The following CAMK4 variants were observed in gnomAD, a reference collection of about 807,000 sequenced individuals.
The protein encoded by CAMK4 is calcium/calmodulin-dependent protein kinase type IV.
Under a neutral mutation model 44.9 loss-of-function variants are expected in CAMK4, and 22 were observed. That is an observed-to-expected ratio of 0.49 (90% CI 0.35 to 0.70). CAMK4 has a LOEUF of 0.70. Ranked by LOEUF, CAMK4 falls within the 30% of genes least tolerant of loss-of-function variation. The pLI, the probability that CAMK4 is intolerant of heterozygous loss-of-function variation, is 0.01. For missense variants in CAMK4, 498 were observed against 586.8 expected (o/e 0.85, Z 1.56); for synonymous variants, 218 against 215.4 (o/e 1.01, Z -0.11).
chr5:111,233,467 T>C (rs569424544), intron 1 of CAMK4, among the ~76,000 whole-genome samples: 64 of 144,272 alleles, frequency 4.4e-4, no homozygotes, highest in African/African-American at 1.5e-3. Flanking sequence ...CTTCACATAA[T>C]GTTTGTGAAA....
intron 1 of CAMK4, among the ~76,000 whole-genome samples, chr5:111,243,625 A>G (rs1003395641): frequency 1.3e-5 from 2 of 152,176 alleles, no homozygotes; most frequent in Admixed American, 6.5e-5. Flanking sequence ...GAAAGGCTCC[A>G]ATTTCCCTCT....
At chr5:111,263,845 C>T (rs1323471146) in intron 1 of CAMK4, among the ~76,000 whole-genome samples, 2 of 152,154 alleles carry the variant, frequency 1.3e-5, no homozygotes, top group Admixed American at 1.3e-4. Flanking sequence ...TCACTATGTA[C>T]TTTTTCTTTG....
intron 1 of CAMK4, among the ~76,000 whole-genome samples, chr5:111,226,350 G>GT (rs1397658025): frequency 6.6e-6 from 1 of 152,178 alleles, no homozygotes; most frequent in Admixed American, 6.5e-5. Flanking sequence ...TGAAGTTTGG[G>GT]TTTTTTATTT....
chr5:111,333,349 C>T (rs528210964), intron 1 of CAMK4, among the ~76,000 whole-genome samples: 4 of 151,668 alleles, frequency 2.6e-5, no homozygotes, highest in East Asian at 3.9e-4. Context: ...ATAAACTTTT[C>T]GCAAGATGTT....
At chr5:111,302,746 A>G (rs1208783885) in intron 1 of CAMK4, among the ~76,000 whole-genome samples, 21 of 70,254 alleles carry the variant, frequency 3.0e-4, no homozygotes, top group African/African-American at 1.2e-3. Context: ...GCCCACCACA[A>G]CTCAAGGAGG....
chr5:111,388,409 C>A (rs1751681259), intron 4 of CAMK4, among the ~76,000 whole-genome samples: 1 of 152,170 alleles, frequency 6.6e-6, no homozygotes, highest in African/African-American at 2.4e-5. Context: ...CCAGCAAGTA[C>A]CTGGCTCACA....
chr5:111,312,701 T>C (rs1046371771), intron 1 of CAMK4, among the ~76,000 whole-genome samples: 1 of 152,166 alleles, frequency 6.6e-6, no homozygotes, highest in Non-Finnish European at 1.5e-5. Flanking sequence ...CTAAGTCTTG[T>C]GGAACCATCC....
At chr5:111,308,510 C>G (rs1390963239) in intron 1 of CAMK4, among the ~76,000 whole-genome samples, 2 of 152,116 alleles carry the variant, frequency 1.3e-5, no homozygotes, top group African/African-American at 4.8e-5. Flanking sequence ...AGATATTTAT[C>G]TACAAGCTAC....
chr5:111,447,254 TC>T (rs1194860195), intron 6 of CAMK4, among the ~76,000 whole-genome samples: 5 of 152,158 alleles, frequency 3.3e-5, no homozygotes, highest in Admixed American at 2.0e-4. Flanking sequence ...GATCTGCCTT[TC>T]CCAAAATGCA....
intron 1 of CAMK4, among the ~76,000 whole-genome samples, chr5:111,333,422 G>A (rs1749260326): frequency 6.6e-6 from 1 of 151,590 alleles, no homozygotes; most frequent in South Asian, 2.1e-4. Flanking sequence ...AAACAAAGAG[G>A]ACTGATAAGA....
rs56360861 is a variant in CAMK4 at position 111,484,438 on chromosome 5, A to G, written c.1394A>G (p.Gln465Arg). 3.5e-3 allele frequency: 5,315 copies of G among 1,526,714 alleles called. 181 individuals are homozygous for G. In the African/African-American group the frequency reaches 0.064, roughly 18 times the overall value. 94.6% of individuals were successfully genotyped at this position (1,526,714 alleles called of 1,614,324 possible). ...GSSAVGFEVP[Q>R]QDVILPEY Reference sequence around the variant, plus strand: ...TCTGCTGTGGGTTTTGAAGTTCCACAGCAAGATGTGATCCTGCCAGAGTAC... The same window carrying G: ...TCTGCTGTGGGTTTTGAAGTTCCACGGCAAGATGTGATCCTGCCAGAGTAC... The change falls in exon 11 of 11, where the codon CAG becomes CGG. Residue 465 changes from glutamine (Q) to arginine (R), a missense_variant. Physicochemically the swap from Gln to Arg is conservative, Grantham distance 43. Transcript: ENST00000282356. This position sits in a 1 kb window ranked among gnomAD's most constrained non-coding sequence, Gnocchi z 5.3.
intron 5 of CAMK4, among the ~76,000 whole-genome samples, chr5:111,417,079 A>G (rs1561474118): frequency 6.6e-6 from 1 of 152,138 alleles, no homozygotes. Flanking sequence ...TGTTTATTTT[A>G]GAGGCACAGT....
At chr5:111,343,074 G>A (rs1320054577) in intron 1 of CAMK4, among the ~76,000 whole-genome samples, 6 of 151,208 alleles carry the variant, frequency 4.0e-5, no homozygotes, top group Non-Finnish European at 8.9e-5. Context: ...TTATTACTTT[G>A]TGTATATGTC....
intron 5 of CAMK4, among the ~76,000 whole-genome samples, chr5:111,426,621 T>G (rs1422375441): frequency 6.6e-6 from 1 of 152,156 alleles, no homozygotes; most frequent in African/African-American, 2.4e-5. Context: ...AAATCAGTCC[T>G]GAATCACTAA....
chr5:111,281,991 G>T (rs547534314), intron 1 of CAMK4, among the ~76,000 whole-genome samples: 2 of 151,914 alleles, frequency 1.3e-5, no homozygotes, highest in East Asian at 3.9e-4. Context: ...CCCAGGGGGC[G>T]GAGGCTGCAG....
chr5:111,354,539 C>T (rs183970605), intron 2 of CAMK4, among the ~76,000 whole-genome samples: 2 of 151,652 alleles, frequency 1.3e-5, no homozygotes, highest in African/African-American at 4.8e-5. Context: ...TCACATTGTA[C>T]ACTAAATGTG....
intron 5 of CAMK4, among the ~76,000 whole-genome samples, chr5:111,414,090 C>G (rs1330681892): frequency 6.6e-6 from 1 of 152,090 alleles, no homozygotes; most frequent in Non-Finnish European, 1.5e-5. Context: ...AAACTGCTCC[C>G]AATTTTTACA....
At chr5:111,329,050 C>T (rs1486495261) in intron 1 of CAMK4, among the ~76,000 whole-genome samples, 1 of 151,936 alleles carries the variant, frequency 6.6e-6, no homozygotes, top group Non-Finnish European at 1.5e-5. Context: ...GGCTTCATCC[C>T]TGGGTTGCAA....
chr5:111,325,674 C>T (rs1051203075), intron 1 of CAMK4, among the ~76,000 whole-genome samples: 2 of 152,048 alleles, frequency 1.3e-5, no homozygotes, highest in Non-Finnish European at 2.9e-5. Flanking sequence ...ACATAAATGT[C>T]TTCTTTTGAG....
Sources: gnomAD v4.1 joint callset for allele counts (sites outside exome capture counted in the v4.1 genomes callset) on GRCh38, gnomAD v4.1.1 for gene constraint, Gnocchi (gnomAD v3.1) non-coding constraint, MANE v1.5 for transcripts, NCBI Gene and HGNC (gene_info 2026-07-23, HGNC 2026-07-21) for gene names.